WRN: variants seen among roughly 807,000 people sequenced by gnomAD.
The protein encoded by WRN is bifunctional 3'-5' exonuclease/ATP-dependent helicase WRN.
WRN carries 149 observed loss-of-function variants against 180.7 expected under a neutral mutation model. The ratio of observed to expected loss-of-function variants is 0.82; its 90% CI spans 0.72 to 0.94. WRN has a LOEUF of 0.94. WRN is among the 40% of genes least tolerant of loss of function. The pLI is 0.00. For missense variants in WRN, 1,661 were observed against 1,700.1 expected (o/e 0.98, Z 0.40); for synonymous variants, 548 against 568.9 (o/e 0.96, Z 0.52).
In WRN at chr8:31,116,440, T is replaced by G. The variant is rs1420748565; in HGVS notation, c.2360T>G (p.Leu787Arg). 3.7e-6 allele frequency: 6 copies of G among 1,614,074 alleles called. No homozygotes were observed. The highest frequency in any genetic ancestry group is 5.1e-6 in the Non-Finnish European group (6 of 1,179,960). The part of the protein sequence containing the change: ...TQQVTGELRK[L>R]NLSCGTYHAG... ...CAAGTTACAGGTGAACTTAGGAAAC[T>G]GAATCTATCCTGTGGAACATACCAT... is the stretch of plus-strand genomic sequence containing the variant. The change falls in exon 20 of 35, where the codon CTG becomes CGG. Residue 787 changes from leucine (L) to arginine (R), a missense_variant. By Grantham distance (102) the Leu-to-Arg change is moderately radical (BLOSUM62 -2). Transcript: ENST00000298139.
At chr8:31,060,837 T>C (rs1812461790) in intron 3 of WRN, among the ~76,000 whole-genome samples, 1 of 152,212 alleles carries the variant, frequency 6.6e-6, no homozygotes, top group African/African-American at 2.4e-5. Flanking sequence ...ATATGTATTT[T>C]ATAAAAGGCA....
chr8:31,113,520 G>C (rs965264618), intron 19 of WRN, among the ~76,000 whole-genome samples: 1 of 152,142 alleles, frequency 6.6e-6, no homozygotes, highest in Admixed American at 6.6e-5. Context: ...TTCTTTTGAA[G>C]AAGGCTGTTT....
chr8:31,152,402 C>T (rs1191054714), intron 31 of WRN, among the ~76,000 whole-genome samples: 4 of 150,950 alleles, frequency 2.6e-5, no homozygotes, highest in Admixed American at 6.6e-5. Flanking sequence ...TAAAAAAATT[C>T]AGGGGTAGGG....
chr8:31,116,838 G>C (rs1026200722), intron 20 of WRN, among the ~76,000 whole-genome samples: 5 of 152,156 alleles, frequency 3.3e-5, no homozygotes, highest in Admixed American at 2.0e-4. Context: ...GCCAGTAGGT[G>C]ATGAGGGGAA....
At chr8:31,052,367 C>T (rs574680540) in intron 1 of WRN, among the ~76,000 whole-genome samples, 140 of 111,860 alleles carry the variant, frequency 1.3e-3, no homozygotes, top group African/African-American at 3.2e-3. Flanking sequence ...CAAACACACA[C>T]GCGTATTTAT....
intron 33 of WRN, among the ~76,000 whole-genome samples, chr8:31,160,987 C>CAAA (rs35397047): frequency 7.1e-6 from 1 of 141,612 alleles, no homozygotes; most frequent in African/African-American, 2.6e-5. Context: ...GACTCTGTCT[C>CAAA]AAAAAAAAAA....
intron 24 of WRN, among the ~76,000 whole-genome samples, chr8:31,140,409 T>C (rs1199039655): frequency 6.6e-6 from 1 of 152,146 alleles, no homozygotes; most frequent in Admixed American, 6.5e-5. Flanking sequence ...AAAAAGTATT[T>C]CTATATGAAG....
chr8:31,106,279 C>T (rs958144102), intron 18 of WRN, among the ~76,000 whole-genome samples: 10 of 152,054 alleles, frequency 6.6e-5, no homozygotes, highest in Non-Finnish European at 1.2e-4. Context: ...TCACTCTTCC[C>T]ATCCCTCATT....
rs1812592661 is a variant in WRN, at chr8:31,063,938, T to C, written c.210-351T>C. Among the ~76,000 whole-genome samples, 3 of 151,870 alleles carry C rather than the reference T, an allele frequency of 2.0e-5. No homozygotes were observed. In the South Asian group the frequency reaches 6.2e-4, roughly 31 times the overall value. ...AGACATGCTGTGTTGCACAGGTTGG[T>C]CTTAAACTCCTAGTCTCAAGCAGTC... On this transcript the variant is annotated intron_variant, in intron 3 of 34. Coordinates refer to ENST00000298139, the MANE Select transcript of WRN (RefSeq NM_000553.6).
intron 19 of WRN, among the ~76,000 whole-genome samples, chr8:31,112,588 C>G (rs2130288460): frequency 6.6e-6 from 1 of 151,604 alleles, no homozygotes; most frequent in African/African-American, 2.4e-5. Context: ...TTTTTATAAG[C>G]CTTTATTTTA....
At chr8:31,105,880 G>T (rs995160546) in intron 18 of WRN, among the ~76,000 whole-genome samples, 1 of 152,162 alleles carries the variant, frequency 6.6e-6, no homozygotes, top group African/African-American at 2.4e-5. Flanking sequence ...ATTTGGTGTT[G>T]TCACTATTAG....
At chr8:31,102,348 A>G (rs182814024) in intron 18 of WRN, among the ~76,000 whole-genome samples, 6 of 152,326 alleles carry the variant, frequency 3.9e-5, no homozygotes, top group African/African-American at 1.4e-4. Flanking sequence ...CTACCTTGAG[A>G]TCTATCCAAG....
intron 5 of WRN, 110 bp from the exon 6 acceptor site, chr8:31,066,923 T>G: frequency 7.3e-7 from 1 of 1,361,064 alleles, no homozygotes; most frequent in Non-Finnish European, 1.0e-6. Context: ...GTGGGTTGTA[T>G]TTTGGTATAA....
At chr8:31,055,414 T>C (rs1286494551) in intron 1 of WRN, among the ~76,000 whole-genome samples, 5 of 152,180 alleles carry the variant, frequency 3.3e-5, no homozygotes, top group Non-Finnish European at 7.4e-5. Flanking sequence ...ACCTGTTGTT[T>C]CTTGATTTTT....
chr8:31,166,670 T>G (rs952529584), intron 33 of WRN, among the ~76,000 whole-genome samples: 2 of 152,314 alleles, frequency 1.3e-5, no homozygotes, highest in South Asian at 4.1e-4. Flanking sequence ...AAGAGAAAAC[T>G]AATTATAATT....
intron 33 of WRN, among the ~76,000 whole-genome samples, chr8:31,166,725 G>A (rs879111449): frequency 1.3e-5 from 2 of 152,046 alleles, no homozygotes; most frequent in South Asian, 2.1e-4. Context: ...ACAATTCCAC[G>A]AATGGTTGTT....
chr8:31,038,031 T>C (rs531836605), intron 1 of WRN, among the ~76,000 whole-genome samples: 1 of 152,346 alleles, frequency 6.6e-6, no homozygotes, highest in East Asian at 1.9e-4. Flanking sequence ...ACCTTTTGGC[T>C]ATTGTGAATA....
chr8:31,156,928 C>G (rs1198120976), intron 32 of WRN, among the ~76,000 whole-genome samples: 2 of 152,176 alleles, frequency 1.3e-5, no homozygotes, highest in African/African-American at 2.4e-5. Flanking sequence ...TATGTTATCT[C>G]TAAGCATTTT....
intron 32 of WRN, 139 bp from the exon 33 acceptor site, chr8:31,157,229 T>C (rs1803418840): frequency 7.9e-7 from 1 of 1,266,326 alleles, no homozygotes; most frequent in South Asian, 1.4e-5. Context: ...ATTCTGAAAA[T>C]GAAAAACTTA....
Sources: gnomAD v4.1 joint callset for allele counts (sites outside exome capture counted in the v4.1 genomes callset) on GRCh38, gnomAD v4.1.1 for gene constraint, MANE v1.5 for transcripts, NCBI Gene and HGNC (gene_info 2026-07-23, HGNC 2026-07-21) for gene names.